Variants in ATXN2 observed in about 807,000 individuals in gnomAD.
ATXN2 encodes the protein ataxin-2.
A neutral mutation model predicts 138.6 loss-of-function variants in ATXN2; 37 were observed. That is an observed-to-expected ratio of 0.27 (90% CI 0.21 to 0.35). The LOEUF is 0.35. Ranked by LOEUF, ATXN2 falls within the 10% of genes least tolerant of loss-of-function variation. ATXN2 has a pLI of 1.00. For missense variants in ATXN2, 1,216 were observed against 1,480.3 expected, an observed-to-expected ratio of 0.82 and a Z score of 2.93; for synonymous variants, 549 against 543.7, an observed-to-expected ratio of 1.01 and a Z score of -0.13.
At chr12:111,493,051 G>C (rs1381868272) in intron 14 of ATXN2, among the ~76,000 whole-genome samples, 2 of 152,154 alleles carry the variant, frequency 1.3e-5, no homozygotes, top group African/African-American at 4.8e-5. Flanking sequence ...ACTGAAAAAT[G>C]CATCAGTCTC....
At chr12:111,581,775 A>G in intron 1 of ATXN2, 1 of 571,742 alleles carries the variant, frequency 1.7e-6, no homozygotes, top group Non-Finnish European at 3.3e-6. Context: ...CAAGTCTATC[A>G]ACAGATCAGG....
chr12:111,462,874 C>T (rs1273878349), intron 21 of ATXN2, among the ~76,000 whole-genome samples: 2 of 152,010 alleles, frequency 1.3e-5, no homozygotes, highest in African/African-American at 4.8e-5. Flanking sequence ...ATAGTATATA[C>T]ATACAGCAAG....
chr12:111,456,732 T>C (rs1321979458), intron 22 of ATXN2, among the ~76,000 whole-genome samples: 1 of 152,154 alleles, frequency 6.6e-6, no homozygotes, highest in Non-Finnish European at 1.5e-5. Flanking sequence ...TCAACATGTA[T>C]CTTAAATGTG....
At chr12:111,558,477 A>G (rs1485614950) in intron 1 of ATXN2, among the ~76,000 whole-genome samples, 1 of 152,178 alleles carries the variant, frequency 6.6e-6, no homozygotes, top group East Asian at 1.9e-4. Flanking sequence ...TTCAAGTGTG[A>G]CTTAAAATGC....
chr12:111,585,801 CAAAAAAAA>C lies in ATXN2; in HGVS notation c.251+12975_251+12982del, dbSNP rs761433806. On this transcript the variant is annotated intron_variant, in intron 1 of 24. Transcript: ENST00000673436. The stretch of plus-strand genomic sequence containing the variant: ...GGGTGACAAGAGCAAAACTCCATCT[CAAAAAAAA>C]AAAAAAAAAAAAAAAAAAAAACCTC... Among the ~76,000 whole-genome samples, 116 of 24,796 alleles carry C rather than the reference CAAAAAAAA, an allele frequency of 4.7e-3. 1 individual carries two copies. Among genetic ancestry groups the C allele is most frequent in the South Asian group, 0.013 (3 of 230 alleles). The allele number at this position is 24,796 out of a possible 152,430, so 16.3% of individuals were successfully genotyped here.
Position 111,470,135 on chromosome 12 carries a change from C to G in ATXN2, c.2815G>C (p.Ala939Pro), listed in dbSNP as rs1290278654. ...LVSSSATQYGAHEQTHAMYAC... is the reference protein window; with the variant it reads ...LVSSSATQYGPHEQTHAMYAC... ...TACATCGCATGCGTCTGCTCATGAG[C>G]CCCGTACTGAGTTGCTGAAGAAGAT... Residue 939 changes from alanine (A) to proline (P), a missense_variant, in exon 20 of 25, where the codon GCT becomes CCT. Around this residue, in one of 4 missense-constraint regions of ATXN2, gnomAD observed 490 missense variants for 653.5 expected, o/e 0.75. Coordinates refer to ENST00000673436, the MANE Select transcript of ATXN2 (RefSeq NM_001372574.1). The G allele has an allele frequency of 1.2e-6, 2 of 1,614,102 alleles. No homozygotes were observed. Among genetic ancestry groups the G allele is most frequent in the East Asian group, 4.5e-5 (2 of 44,878 alleles).
chr12:111,488,262 A>G (rs1322515372), intron 15 of ATXN2, among the ~76,000 whole-genome samples: 1 of 152,154 alleles, frequency 6.6e-6, no homozygotes, highest in Non-Finnish European at 1.5e-5. Flanking sequence ...CCTGGGGTAC[A>G]AAAAAGGGGA....
chr12:111,488,603 A>T lies in ATXN2; in HGVS notation c.2113T>A (p.Ser705Thr). 3 of 1,614,114 alleles carry T rather than the reference A, an allele frequency of 1.9e-6. No homozygotes were observed. Among genetic ancestry groups the T allele is most frequent in the Non-Finnish European group, 2.5e-6 (3 of 1,180,032 alleles). ...GSSKPNSPSI[S>T]PSILSNTEHK... Reference sequence around the variant, plus strand: ...TCCGTGTTACTAAGTATTGAAGGGGAAATGCTGGGGCTATTCGGCTTGCTG... The same window carrying T: ...TCCGTGTTACTAAGTATTGAAGGGGTAATGCTGGGGCTATTCGGCTTGCTG... Residue 705 changes from serine (S) to threonine (T), a missense_variant, in exon 15 of 25, where the codon TCC becomes ACC. Coordinates refer to ENST00000673436, the MANE Select transcript of ATXN2 (RefSeq NM_001372574.1).
chr12:111,530,251 G>A (rs1042697242), intron 5 of ATXN2, among the ~76,000 whole-genome samples: 3 of 152,192 alleles, frequency 2.0e-5, no homozygotes, highest in African/African-American at 7.2e-5. Flanking sequence ...ATTCACATTT[G>A]ACTGATACAA....
chr12:111,583,521 G>A (rs530424582), intron 1 of ATXN2, among the ~76,000 whole-genome samples: 15 of 151,692 alleles, frequency 9.9e-5, no homozygotes, highest in African/African-American at 2.4e-4. Context: ...ATCCCAGCAC[G>A]TTGGGAGGCC....
intron 2 of ATXN2, 23 bp from the exon 3 acceptor site, chr12:111,554,240 AAC>A: frequency 7.4e-7 from 1 of 1,350,432 alleles, no homozygotes. Context: ...AAAAAAAAAA[AAC>A]TATTAGAAAT....
chr12:111,565,409 G>A (rs747266271), intron 1 of ATXN2, among the ~76,000 whole-genome samples: 3 of 151,796 alleles, frequency 2.0e-5, no homozygotes, highest in Non-Finnish European at 4.4e-5. Flanking sequence ...TATTGTATAC[G>A]TTATAGTAAT....
At chr12:111,471,041 C>A in intron 18 of ATXN2, 1 of 324,148 alleles carries the variant, frequency 3.1e-6, no homozygotes, top group East Asian at 5.3e-5. Context: ...TGATCAAGTC[C>A]CTGTAACAGA....
In ATXN2 at chr12:111,486,824, C is replaced by G; in HGVS notation, c.2241G>C (p.Glu747Asp). ...DDKEEKKDAA[E>D]QVRKSTLNPN... ...GATTCAATGTTGATTTCCTAACTTG[C>G]CTAAAAAAAATATAAAGGCCAGTGA... is the stretch of plus-strand genomic sequence containing the variant. Residue 747 changes from glutamate to aspartate, a missense_variant and splice_region_variant, in exon 16 of 25, where the codon GAG becomes GAC. Physicochemically the swap from Glu to Asp is conservative, Grantham distance 45. Around this residue, in one of 4 missense-constraint regions of ATXN2, gnomAD observed 490 missense variants for 653.5 expected, o/e 0.75. Coordinates refer to ENST00000673436, the MANE Select transcript of ATXN2 (RefSeq NM_001372574.1). 4 of 1,610,610 alleles carry G rather than the reference C, an allele frequency of 2.5e-6. No homozygotes were observed. Among genetic ancestry groups the G allele is most frequent in the Non-Finnish European group, 3.4e-6 (4 of 1,177,934 alleles).
intron 20 of ATXN2, 71 bp downstream of exon 20, chr12:111,470,037 G>C (rs928018071): frequency 1.4e-6 from 2 of 1,481,168 alleles, no homozygotes; most frequent in Non-Finnish European, 1.8e-6. Flanking sequence ...TTCTTAGATA[G>C]AGTATGTTTT....
intron 18 of ATXN2, among the ~76,000 whole-genome samples, chr12:111,483,188 A>AACACATACAC (rs1555231593): frequency 1.4e-4 from 17 of 118,944 alleles, no homozygotes; most frequent in Non-Finnish European, 2.7e-4. Context: ...CCCTGTATCA[A>AACACATACAC]ACACATACAC....
At chr12:111,518,811 C>T (rs986205121) in intron 8 of ATXN2, among the ~76,000 whole-genome samples, 2 of 152,070 alleles carry the variant, frequency 1.3e-5, no homozygotes, top group African/African-American at 4.8e-5. Context: ...GCTCCAATAT[C>T]GGCAATGCTG....
At chr12:111,456,367 G>C in intron 22 of ATXN2, 111 bp from the exon 23 acceptor site, 1 of 1,110,040 alleles carries the variant, frequency 9.0e-7, no homozygotes, top group South Asian at 1.4e-5. Context: ...AGGGTCACTG[G>C]AAAGTACAGG....
intron 1 of ATXN2, among the ~76,000 whole-genome samples, chr12:111,582,039 TAAG>T (rs754574255): frequency 1.8e-4 from 27 of 151,514 alleles, no homozygotes; most frequent in Non-Finnish European, 3.4e-4. Flanking sequence ...GAACAGAACA[TAAG>T]AAGAATTTAG....
Sources: allele counts gnomAD v4.1 joint callset (sites outside exome capture counted in the v4.1 genomes callset), GRCh38; gene constraint gnomAD v4.1.1; regional missense constraint gnomAD v4.1.1; transcripts MANE v1.5; gene names NCBI Gene and HGNC (gene_info 2026-07-23, HGNC 2026-07-21).